The following CRB1 variants were observed in gnomAD, a reference collection of about 807,000 sequenced individuals.
CRB1 encodes protein crumbs homolog 1.
A neutral mutation model predicts 120.0 loss-of-function variants in CRB1; 83 were observed. That is an observed-to-expected ratio of 0.69 (90% confidence interval 0.58 to 0.83). CRB1 has a LOEUF of 0.83. CRB1 is among the 40% of genes least tolerant of loss of function. CRB1 has a pLI of 0.00. For synonymous variants in CRB1, 625 were observed against 612.5 expected, an observed-to-expected ratio of 1.02 and a Z score of -0.30; for missense variants, 1,699 against 1,687.6, an observed-to-expected ratio of 1.01 and a Z score of -0.12.
chr1:197,204,370 G>A, the CRB1 span, among the ~76,000 whole-genome samples: 2 of 152,140 alleles, frequency 1.3e-5, no homozygotes, highest in Admixed American at 6.5e-5. Flanking sequence ...TTTCCATAGC[G>A]GTTGTACTAG....
chr1:197,461,014 T>C (rs1666506198), intron 11 of CRB1, among the ~76,000 whole-genome samples: 1 of 152,156 alleles, frequency 6.6e-6, no homozygotes, highest in African/African-American at 2.4e-5. Flanking sequence ...TTTTTACCAT[T>C]AGGTCCTGTG....
intron 2 of CRB1, among the ~76,000 whole-genome samples, chr1:197,338,165 T>A (rs1659260206): frequency 6.6e-6 from 1 of 152,056 alleles, no homozygotes; most frequent in Non-Finnish European, 1.5e-5. Flanking sequence ...CTTTTAAAAT[T>A]TGATATATAT....
At chr1:197,378,639 G>T (rs1273916244) in intron 5 of CRB1, among the ~76,000 whole-genome samples, 1 of 152,170 alleles carries the variant, frequency 6.6e-6, no homozygotes, top group African/African-American at 2.4e-5. Flanking sequence ...AAGGAAGAGG[G>T]TCTGAATGAA....
chr1:197,269,711 A>G (rs904434419), intron 1 of CRB1, among the ~76,000 whole-genome samples: 4 of 152,168 alleles, frequency 2.6e-5, no homozygotes, highest in African/African-American at 9.7e-5. Flanking sequence ...GGTGCATTTT[A>G]TGGCAAACAG....
At chr1:197,337,931 C>T (rs149960798) in intron 2 of CRB1, among the ~76,000 whole-genome samples, 1 of 151,628 alleles carries the variant, frequency 6.6e-6, no homozygotes, top group African/African-American at 2.4e-5. Flanking sequence ...AGTAATTATC[C>T]TAATGAAGAG....
intron 1 of CRB1, among the ~76,000 whole-genome samples, chr1:197,269,113 G>A (rs567916145): frequency 3.8e-4 from 58 of 152,292 alleles, no homozygotes; most frequent in Non-Finnish European, 6.0e-4. Context: ...TCTATAGCAG[G>A]ATGGAAAATC....
the CRB1 span, among the ~76,000 whole-genome samples, chr1:197,235,227 T>C: frequency 2.0e-5 from 3 of 151,832 alleles, no homozygotes; most frequent in African/African-American, 7.3e-5. Context: ...TGCATAGAGG[T>C]CATCATGTTT....
At chr1:197,240,448 A>G in the CRB1 span, among the ~76,000 whole-genome samples, 1 of 152,032 alleles carries the variant, frequency 6.6e-6, no homozygotes, top group Non-Finnish European at 1.5e-5. Flanking sequence ...ACTCCCATTT[A>G]TGAGTGAGAA....
chr1:197,435,420 G>C lies in CRB1; in HGVS notation c.3557G>C (p.Cys1186Ser). The part of the protein sequence containing the change: ...LNIDECFSNP[C>S]IHGNCSDRVA... ...ATCGATGAATGCTTTTCAAACCCCT[G>C]TATCCATGGCAACTGCTCTGACAGA... is the stretch of plus-strand genomic sequence containing the variant. Residue 1186 changes from cysteine (C) to serine (S), a missense_variant, in exon 9 of 12, where the codon TGT becomes TCT. By Grantham distance (112) the Cys-to-Ser change is moderately radical. Transcript: ENST00000367400. The C allele has an allele frequency of 6.2e-7, 1 of 1,600,740 alleles. No homozygotes were observed.
the CRB1 span, among the ~76,000 whole-genome samples, chr1:197,250,608 G>T: frequency 2.0e-5 from 3 of 151,992 alleles, no homozygotes; most frequent in Admixed American, 6.6e-5. Flanking sequence ...AGCATTAGGG[G>T]CGTAGAGAGG....
intron 4 of CRB1, among the ~76,000 whole-genome samples, chr1:197,356,030 T>G (rs1359164526): frequency 6.6e-6 from 1 of 152,200 alleles, no homozygotes; most frequent in Non-Finnish European, 1.5e-5. Flanking sequence ...AGACAATGGT[T>G]AAGGCATGGC....
chr1:197,292,225 A>T (rs1056962380), intron 1 of CRB1, among the ~76,000 whole-genome samples: 5 of 152,274 alleles, frequency 3.3e-5, no homozygotes, highest in Non-Finnish European at 4.4e-5. Context: ...ATAAAAAATG[A>T]TAAAGGGGAT....
At chr1:197,309,083 C>T (rs1209893874) in intron 1 of CRB1, among the ~76,000 whole-genome samples, 1 of 151,406 alleles carries the variant, frequency 6.6e-6, no homozygotes, top group African/African-American at 2.4e-5. Flanking sequence ...ATCATATATA[C>T]ACATATACAC....
At chr1:197,348,694 G>A (rs1294215628) in intron 4 of CRB1, among the ~76,000 whole-genome samples, 1 of 151,770 alleles carries the variant, frequency 6.6e-6, no homozygotes, top group Non-Finnish European at 1.5e-5. Flanking sequence ...GCCAGGATGG[G>A]CTCAATCTCC....
At chr1:197,430,021 G>A (rs1228334586) in intron 8 of CRB1, among the ~76,000 whole-genome samples, 2 of 152,078 alleles carry the variant, frequency 1.3e-5, no homozygotes, top group East Asian at 1.9e-4. Flanking sequence ...TGTAAAATAG[G>A]GAGAACACTT....
At chr1:197,316,305 C>T (rs916062804) in intron 1 of CRB1, among the ~76,000 whole-genome samples, 1 of 152,116 alleles carries the variant, frequency 6.6e-6, no homozygotes, top group Admixed American at 6.5e-5. Context: ...CTGCCTCAGC[C>T]TCCTAAGTAG....
chr1:197,251,402 G>T, the CRB1 span, among the ~76,000 whole-genome samples: 1 of 151,966 alleles, frequency 6.6e-6, no homozygotes, highest in African/African-American at 2.4e-5. Flanking sequence ...TAAGAAACGG[G>T]CTTGAGAAAC....
chr1:197,204,066 T>A, the CRB1 span, among the ~76,000 whole-genome samples: 1 of 152,220 alleles, frequency 6.6e-6, no homozygotes, highest in Non-Finnish European at 1.5e-5. Flanking sequence ...CATTCCTGAG[T>A]TACTTCACTT....
At chr1:197,394,164 C>T (rs1018171410) in intron 5 of CRB1, among the ~76,000 whole-genome samples, 1 of 152,074 alleles carries the variant, frequency 6.6e-6, no homozygotes. Context: ...AACCCTTCTA[C>T]TTCCACTTCC....
Sources: allele counts gnomAD v4.1 joint callset (sites outside exome capture counted in the v4.1 genomes callset), GRCh38; gene constraint gnomAD v4.1.1; transcripts MANE v1.5; gene names NCBI Gene and HGNC (gene_info 2026-07-23, HGNC 2026-07-21).